Variants in SEMA4D observed in about 807,000 individuals in gnomAD.
SEMA4D encodes semaphorin 4D, also known as semaphorin-4D.
SEMA4D carries 22 observed loss-of-function variants against 74.8 expected under a neutral mutation model. The ratio of observed to expected loss-of-function variants is 0.29; its 90% CI spans 0.21 to 0.42. SEMA4D has a LOEUF of 0.42. Ranked by LOEUF, SEMA4D falls within the 10% of genes least tolerant of loss-of-function variation. SEMA4D has a pLI of 1.00. For synonymous variants in SEMA4D, 445 were observed against 463.7 expected, an observed-to-expected ratio of 0.96 and a Z score of 0.52; for missense variants, 937 against 1,118.4, an observed-to-expected ratio of 0.84 and a Z score of 2.31.
intron 2 of SEMA4D, chr9:89,405,946 A>C: frequency 8.6e-7 from 1 of 1,158,716 alleles, no homozygotes; most frequent in Non-Finnish European, 1.1e-6. Context: ...CACAGGACAG[A>C]CACATGGAGA....
rs1350489021 is a variant in SEMA4D, at chr9:89,381,390, C to T, written c.1447-44G>A. On this transcript the variant is annotated intron_variant, in intron 13 of 15. Transcript: ENST00000422704. The surrounding 1 kb of genome is among the most constrained non-coding windows in gnomAD (Gnocchi z 4.6). Reference sequence around the variant, plus strand: ...GAAGAACTAGCATCAGGCAAGCAGGCATCCAGGAGCATGGCCTCTGCTTCT... The same window carrying T: ...GAAGAACTAGCATCAGGCAAGCAGGTATCCAGGAGCATGGCCTCTGCTTCT... 1.4e-6 allele frequency: 2 copies of T among 1,440,526 alleles called. No individual in the cohort carries two copies. Among genetic ancestry groups the T allele is most frequent in the African/African-American group, 1.4e-5 (1 of 69,578 alleles). 89.2% of individuals were successfully genotyped at this position (1,440,526 alleles called of 1,614,324 possible).
At chr9:89,445,318 A>G (rs987388008) in intron 2 of SEMA4D, among the ~76,000 whole-genome samples, 1 of 152,194 alleles carries the variant, frequency 6.6e-6, no homozygotes, top group Non-Finnish European at 1.5e-5. Flanking sequence ...TCACGGAAGC[A>G]CTGTTTACAC....
intron 2 of SEMA4D, among the ~76,000 whole-genome samples, chr9:89,430,627 C>T (rs1849069892): frequency 6.6e-6 from 1 of 152,208 alleles, no homozygotes; most frequent in African/African-American, 2.4e-5. Context: ...GATGCCCTGC[C>T]CAGGGATGTT....
At chr9:89,458,541 CA>C (rs1856497925) in intron 1 of SEMA4D, among the ~76,000 whole-genome samples, 1 of 152,020 alleles carries the variant, frequency 6.6e-6, no homozygotes. Context: ...TACATGCACA[CA>C]CCCATCCAAG....
chr9:89,380,119 A>AC lies in SEMA4D; in HGVS notation c.1664-491dup, dbSNP rs550990306. Among the ~76,000 whole-genome samples, 665 of 150,312 alleles carry AC rather than the reference A, an allele frequency of 4.4e-3. 2 individuals carry two copies. Among genetic ancestry groups the AC allele is most frequent in the Admixed American group, 8.0e-3 (121 of 15,104 alleles). On this transcript the variant is annotated intron_variant, in intron 15 of 15. Coordinates refer to ENST00000422704, the MANE Select transcript of SEMA4D (RefSeq NM_001371194.2). ...GCAATCACAGCTCACTGCAGCTTCA[A>AC]CCCCCCCAGCTCAAGGGATCTTCCC...
intron 2 of SEMA4D, among the ~76,000 whole-genome samples, chr9:89,447,303 G>C (rs55818277): frequency 0.16 from 23,611 of 151,774 alleles, 2,440 homozygotes; most frequent in South Asian, 0.23. Flanking sequence ...CTAGTCCTCA[G>C]ATGTTTCCTC....
At chr9:89,464,582 C>T (rs1257369269) in intron 1 of SEMA4D, among the ~76,000 whole-genome samples, 6 of 152,182 alleles carry the variant, frequency 3.9e-5, no homozygotes, top group Admixed American at 2.0e-4. Flanking sequence ...CCTGCAAGAT[C>T]ATGGGAACAA....
intron 5 of SEMA4D, 23 bp downstream of exon 5, chr9:89,399,253 T>C (rs2133475814): frequency 2.5e-6 from 4 of 1,602,858 alleles, no homozygotes; most frequent in Non-Finnish European, 3.4e-6. Context: ...TGGGATTCTT[T>C]GTAGCTTGCA....
intron 2 of SEMA4D, among the ~76,000 whole-genome samples, chr9:89,408,602 T>G (rs1473917346): frequency 6.6e-6 from 1 of 152,190 alleles, no homozygotes; most frequent in Admixed American, 6.5e-5. Context: ...GCCCCATCCC[T>G]TAAAGCAGAA....
intron 12 of SEMA4D, among the ~76,000 whole-genome samples, chr9:89,386,900 C>T (rs996814340): frequency 7.2e-5 from 11 of 152,244 alleles, no homozygotes; most frequent in African/African-American, 1.4e-4. Flanking sequence ...GGCCACAATG[C>T]GCTGCCAGCC....
chr9:89,410,288 G>A (rs997116418), intron 2 of SEMA4D, among the ~76,000 whole-genome samples: 9 of 152,326 alleles, frequency 5.9e-5, no homozygotes, highest in Admixed American at 3.3e-4. Flanking sequence ...ATACTAGAAA[G>A]GAATGAGTTC....
intron 2 of SEMA4D, among the ~76,000 whole-genome samples, chr9:89,412,248 C>G (rs930663375): frequency 8.5e-5 from 13 of 152,170 alleles, no homozygotes; most frequent in African/African-American, 3.1e-4. Flanking sequence ...GTAGAAAGTT[C>G]CACAAAACAA....
At chr9:89,413,097 T>C (rs1317573133) in intron 2 of SEMA4D, among the ~76,000 whole-genome samples, 1 of 152,248 alleles carries the variant, frequency 6.6e-6, no homozygotes, top group Non-Finnish European at 1.5e-5. Context: ...GCTGTATGCA[T>C]GTGCATTTTG....
chr9:89,411,730 T>C (rs4877082), intron 2 of SEMA4D, among the ~76,000 whole-genome samples: 149,619 of 152,354 alleles, frequency 0.98, 73,577 homozygotes, highest in Non-Finnish European at 1. Flanking sequence ...GCAGAAGACA[T>C]GACCCCCTGA....
At chr9:89,409,456 C>A (rs112935087) in intron 2 of SEMA4D, among the ~76,000 whole-genome samples, 1,960 of 152,266 alleles carry the variant, frequency 0.013, 41 homozygotes, top group African/African-American at 0.044. Context: ...GCAAAGGCAC[C>A]ACTCTGTGGG....
rs191789748 is a variant in SEMA4D, at chr9:89,478,914, C to T, written c.-310+19005G>A. On this transcript the variant is annotated intron_variant, in intron 1 of 15. Coordinates refer to ENST00000422704, the MANE Select transcript of SEMA4D (RefSeq NM_001371194.2). ...CACTCCCAATTCTGTGGGTGAGGAG[C>T]CTCAGCGGGCCCCAGCTTCAGTCAG... 3.9e-5 allele frequency among the ~76,000 whole-genome samples: 6 copies of T among 152,278 alleles called. No homozygotes were observed. The East Asian group carries it at 1.2e-3, about 29-fold the overall frequency.
chr9:89,363,405 T>C (rs749411920), intron 18 of SEMA4D: 12 of 1,608,314 alleles, frequency 7.5e-6, no homozygotes, highest in Non-Finnish European at 1.0e-5. Context: ...AGCCCTCCTT[T>C]CTTTGCCCGG....
At chr9:89,417,465 A>G (rs148229741) in intron 2 of SEMA4D, among the ~76,000 whole-genome samples, 254 of 152,352 alleles carry the variant, frequency 1.7e-3, no homozygotes, top group African/African-American at 5.8e-3. Context: ...AGCAGAATAA[A>G]AAACCTTGTG....
chr9:89,445,980 A>C (rs1587948444), intron 2 of SEMA4D, among the ~76,000 whole-genome samples: 1 of 151,078 alleles, frequency 6.6e-6, no homozygotes, highest in Non-Finnish European at 1.5e-5. Context: ...CATGTCCCGG[A>C]CCCCCTCCCT....
Sources: gnomAD v4.1 joint callset for allele counts (sites outside exome capture counted in the v4.1 genomes callset) on GRCh38, gnomAD v4.1.1 for gene constraint, Gnocchi (gnomAD v3.1) non-coding constraint, MANE v1.5 for transcripts, NCBI Gene and HGNC (gene_info 2026-07-23, HGNC 2026-07-21) for gene names.